The following PTPRD variants were observed in gnomAD, a reference collection of about 807,000 sequenced individuals.
The protein encoded by PTPRD is receptor-type tyrosine-protein phosphatase delta.
A neutral mutation model predicts 214.5 loss-of-function variants in PTPRD; 34 were observed. The ratio of observed to expected loss-of-function variants is 0.16; its 90% CI spans 0.12 to 0.21. The LOEUF is 0.21. Among genes scored for constraint, PTPRD ranks in the 10% least tolerant of loss-of-function variants. The pLI is 1.00. For synonymous variants in PTPRD, 1,128 were observed against 845.7 expected (o/e 1.33, Z -5.79); for missense variants, 2,545 against 2,398.7 (o/e 1.06, Z -1.27).
At chr9:8,397,574 G>A (rs1262664075) in intron 36 of PTPRD, among the ~76,000 whole-genome samples, 1 of 152,130 alleles carries the variant, frequency 6.6e-6, no homozygotes, top group Non-Finnish European at 1.5e-5. Context: ...TGAAATTGGA[G>A]AATACGTTAG....
At chr9:8,453,739 G>C (rs974467890) in intron 33 of PTPRD, among the ~76,000 whole-genome samples, 4 of 152,248 alleles carry the variant, frequency 2.6e-5, no homozygotes, top group African/African-American at 9.6e-5. Context: ...AATACAGCCT[G>C]GTGGGCCAAT....
At position 9,822,686 on chromosome 9, in the gene PTPRD, T is replaced by C. The variant is rs76724339; in HGVS notation, c.-367-55835A>G. Among the ~76,000 whole-genome samples, 1,390 of 151,904 alleles carry C rather than the reference T, an allele frequency of 9.2e-3. 13 individuals are homozygous for C. The highest frequency in any genetic ancestry group is 0.031 in the African/African-American group (1,298 of 41,460). On this transcript the variant is annotated intron_variant, in intron 5 of 45. Coordinates refer to ENST00000381196, the MANE Select transcript of PTPRD (RefSeq NM_002839.4). ...CAAAACATATCTTCATAACAGAAAA[T>C]AATCACAACCTACACGTACTACAGA...
chr9:8,987,683 T>C (rs1048139927), intron 11 of PTPRD, among the ~76,000 whole-genome samples: 8 of 152,084 alleles, frequency 5.3e-5, no homozygotes, highest in Non-Finnish European at 1.2e-4. Context: ...ACACAATGAA[T>C]GTGGAAGTCA....
chr9:9,670,275 G>T (rs889031085), intron 7 of PTPRD, among the ~76,000 whole-genome samples: 1 of 152,038 alleles, frequency 6.6e-6, no homozygotes, highest in African/African-American at 2.4e-5. Flanking sequence ...TGAGAGAGAT[G>T]ATTTATGGTA....
rs117248706 is a variant in PTPRD, at chr9:8,899,333, G to A, written c.-104+119364C>T. ...GTGAGTTGAACATAATGGACTCTGT[G>A]TTCCCGTATTTTTAAAATTGACTGT... On this transcript the variant is annotated intron_variant, in intron 11 of 45. Transcript: ENST00000381196. 8.5e-4 allele frequency among the ~76,000 whole-genome samples: 129 copies of A among 152,254 alleles called. 1 individual carries two copies. The highest frequency in any genetic ancestry group is 1.7e-3 in the Non-Finnish European group (113 of 68,002).
intron 14 of PTPRD, among the ~76,000 whole-genome samples, chr9:8,535,251 C>G (rs903762224): frequency 4.0e-5 from 6 of 151,810 alleles, no homozygotes; most frequent in African/African-American, 1.4e-4. Context: ...GACTCTAAGG[C>G]TTGATCAAAC....
chr9:8,766,998 G>C (rs749615235), intron 11 of PTPRD, among the ~76,000 whole-genome samples: 3 of 152,006 alleles, frequency 2.0e-5, no homozygotes, highest in Non-Finnish European at 2.9e-5. Context: ...TTCAACTCTG[G>C]TATGCTATAT....
chr9:9,502,910 G>A lies in PTPRD; in HGVS notation c.-237+71822C>T, dbSNP rs549035422. 2.0e-5 allele frequency among the ~76,000 whole-genome samples: 3 copies of A among 151,956 alleles called. 1 individual carries two copies. In the East Asian group the frequency reaches 5.8e-4, roughly 29 times the overall value. ...TGGTGACAGAAATTAGAACAAGCTTGCCTTCACAGTGGGATTAGATTGACT... is the reference window on the plus strand; with the variant it reads ...TGGTGACAGAAATTAGAACAAGCTTACCTTCACAGTGGGATTAGATTGACT... On this transcript the variant is annotated intron_variant, in intron 8 of 45. Coordinates refer to ENST00000381196, the MANE Select transcript of PTPRD (RefSeq NM_002839.4).
intron 7 of PTPRD, among the ~76,000 whole-genome samples, chr9:9,717,599 G>A (rs980509026): frequency 9.9e-5 from 15 of 152,122 alleles, no homozygotes; most frequent in South Asian, 4.1e-4. Context: ...AGACATGGAA[G>A]GAATGATTCA....
chr9:9,333,503 A>AG (rs1569567447), intron 9 of PTPRD, among the ~76,000 whole-genome samples: 2,849 of 102,752 alleles, frequency 0.028, 197 homozygotes, highest in African/African-American at 0.14. Context: ...TATATAGTAT[A>AG]TTATATATAT....
intron 3 of PTPRD, among the ~76,000 whole-genome samples, chr9:10,145,935 G>A (rs959892604): frequency 6.6e-6 from 1 of 151,256 alleles, no homozygotes; most frequent in Admixed American, 6.6e-5. Context: ...TAGTGTATAT[G>A]TATGCATGTT....
At chr9:8,348,623 T>C (rs116072302) in intron 39 of PTPRD, among the ~76,000 whole-genome samples, 1,776 of 152,254 alleles carry the variant, frequency 0.012, 26 homozygotes, top group African/African-American at 0.041. Flanking sequence ...AGATATGCTT[T>C]AGGCATTGAT....
chr9:10,028,965 G>T (rs927585350), intron 4 of PTPRD, among the ~76,000 whole-genome samples: 14 of 152,072 alleles, frequency 9.2e-5, no homozygotes, highest in Non-Finnish European at 1.8e-4. Context: ...GGCAGGGTGG[G>T]GCCCAGGGTC....
At chr9:10,090,950 A>G (rs1280989372) in intron 3 of PTPRD, among the ~76,000 whole-genome samples, 26 of 149,162 alleles carry the variant, frequency 1.7e-4, no homozygotes, top group African/African-American at 6.4e-4. Context: ...ACACACACAC[A>G]CACACACACA....
intron 7 of PTPRD, among the ~76,000 whole-genome samples, chr9:9,661,475 C>T (rs2096620860): frequency 6.6e-6 from 1 of 151,712 alleles, no homozygotes; most frequent in African/African-American, 2.4e-5. Flanking sequence ...ACTATGGTAT[C>T]GTTGGACAAT....
chr9:10,599,451 A>T (rs763487258), intron 2 of PTPRD, among the ~76,000 whole-genome samples: 11 of 151,766 alleles, frequency 7.2e-5, no homozygotes, highest in Admixed American at 5.9e-4. Context: ...GCAGTGTAGC[A>T]TATGGGTTAA....
intron 2 of PTPRD, among the ~76,000 whole-genome samples, chr9:10,505,571 C>G (rs950529639): frequency 6.6e-6 from 1 of 151,942 alleles, no homozygotes; most frequent in South Asian, 2.1e-4. Context: ...TAGGAAACAT[C>G]GGATTGCTAT....
intron 10 of PTPRD, among the ~76,000 whole-genome samples, chr9:9,052,055 T>C (rs1315783490): frequency 6.6e-6 from 1 of 152,222 alleles, no homozygotes; most frequent in East Asian, 1.9e-4. Context: ...CTCATAGTTC[T>C]GGAGGCTGGG....
At chr9:9,120,188 T>G (rs2099816280) in intron 10 of PTPRD, among the ~76,000 whole-genome samples, 1 of 152,186 alleles carries the variant, frequency 6.6e-6, no homozygotes, top group Non-Finnish European at 1.5e-5. Context: ...CTTTTGGAAG[T>G]CATAGAGAAG....
Sources: gnomAD v4.1 joint callset for allele counts (sites outside exome capture counted in the v4.1 genomes callset) on GRCh38, gnomAD v4.1.1 for gene constraint, MANE v1.5 for transcripts, NCBI Gene and HGNC (gene_info 2026-07-23, HGNC 2026-07-21) for gene names.